Variants in USP48 observed in about 807,000 individuals in gnomAD.
USP48 encodes ubiquitin specific peptidase 48, also known as ubiquitin carboxyl-terminal hydrolase 48.
In USP48, 43 loss-of-function variants were observed where a neutral mutation model predicts 150.7. The observed-to-expected ratio is 0.29, with a 90% confidence interval of 0.22 to 0.37. USP48 has a LOEUF of 0.37. Among genes scored for constraint, USP48 ranks in the 10% least tolerant of loss-of-function variants. The probability of loss-of-function intolerance (pLI) is 1.00; values close to 1 mark genes in which losing one functional copy is unlikely to be tolerated. For synonymous variants in USP48, 396 were observed against 425.9 expected (o/e 0.93, Z 0.86); for missense variants, 813 against 1,249.6 (o/e 0.65, Z 5.27).
intron 3 of USP48, among the ~76,000 whole-genome samples, chr1:21,755,992 C>A (rs1339572838): frequency 6.6e-6 from 1 of 151,416 alleles, no homozygotes; most frequent in Non-Finnish European, 1.5e-5. Context: ...ATGGAGAAAC[C>A]CCGTCTCTAC....
At chr1:21,771,867 G>C (rs763018757) in intron 1 of USP48, among the ~76,000 whole-genome samples, 1 of 151,392 alleles carries the variant, frequency 6.6e-6, no homozygotes, top group East Asian at 1.9e-4. Context: ...GTGGTGAGCC[G>C]AGATTGCGCC....
At chr1:21,726,150 A>C (rs570195468) in intron 11 of USP48, among the ~76,000 whole-genome samples, 1 of 152,274 alleles carries the variant, frequency 6.6e-6, no homozygotes, top group African/African-American at 2.4e-5. Context: ...TTGCTAACTG[A>C]AAGAAAACAC....
intron 14 of USP48, among the ~76,000 whole-genome samples, chr1:21,715,846 T>A (rs1193869282): frequency 6.6e-6 from 1 of 152,190 alleles, no homozygotes; most frequent in Non-Finnish European, 1.5e-5. Context: ...ACACAAAGCA[T>A]TAAAGGCAAA....
chr1:21,748,387 T>A, intron 6 of USP48, 116 bp from the exon 7 acceptor site: 1 of 912,238 alleles, frequency 1.1e-6, no homozygotes, highest in Non-Finnish European at 1.6e-6. Flanking sequence ...TTAAGCTACT[T>A]AAAAACAGCT....
intron 22 of USP48, among the ~76,000 whole-genome samples, chr1:21,698,523 A>G (rs2097644648): frequency 6.6e-6 from 1 of 152,246 alleles, no homozygotes; most frequent in Non-Finnish European, 1.5e-5. Context: ...TCTAAAATCT[A>G]AATCACTTGA....
At position 21,706,542 on chromosome 1, in the gene USP48, A is replaced by C. The variant is rs1224967196; in HGVS notation, c.2136T>G (p.Ile712Met). The C allele has an allele frequency of 6.2e-7, 1 of 1,614,182 alleles. No individual in the cohort carries two copies. ...GEENEALHKM[I>M]ANEQKTSLPN... ...GGAGAGAAGTCTTTTGCTCGTTTGC[A>C]ATCATCTTATGTAAGGCTTCATTTT... The change falls in exon 17 of 27, where the codon ATT becomes ATG. Residue 712 changes from isoleucine (I) to methionine (M), a missense_variant. Ile to Met is a conservative substitution (Grantham distance 10). Coordinates refer to ENST00000308271, the MANE Select transcript of USP48 (RefSeq NM_032236.8).
chr1:21,749,761 C>T (rs765599395), intron 6 of USP48, among the ~76,000 whole-genome samples: 1 of 151,992 alleles, frequency 6.6e-6, no homozygotes, highest in Non-Finnish European at 1.5e-5. Flanking sequence ...CAACACCAAG[C>T]CTGGTTAATT....
At chr1:21,745,002 TAC>T (rs1163026144) in intron 8 of USP48, among the ~76,000 whole-genome samples, 4 of 152,140 alleles carry the variant, frequency 2.6e-5, no homozygotes, top group Non-Finnish European at 5.9e-5. Flanking sequence ...GATATGTGTG[TAC>T]AGATTTGTGT....
chr1:21,776,268 C>G (rs2097898024), intron 1 of USP48, among the ~76,000 whole-genome samples: 1 of 152,064 alleles, frequency 6.6e-6, no homozygotes, highest in Non-Finnish European at 1.5e-5. Context: ...CTGTGATTGC[C>G]CTAAGTACTT....
intron 15 of USP48, among the ~76,000 whole-genome samples, chr1:21,709,739 C>T (rs1198792193): frequency 6.6e-6 from 1 of 152,098 alleles, no homozygotes; most frequent in Non-Finnish European, 1.5e-5. Flanking sequence ...TGTGGGGGTA[C>T]TTTTAGGTAG....
chr1:21,747,667 G>T (rs1419151044), intron 7 of USP48, among the ~76,000 whole-genome samples: 1 of 152,074 alleles, frequency 6.6e-6, no homozygotes, highest in Non-Finnish European at 1.5e-5. Flanking sequence ...CCGCCTCCTG[G>T]GTTCAAGTGA....
intron 8 of USP48, among the ~76,000 whole-genome samples, chr1:21,737,456 G>A (rs1557533623): frequency 1.3e-5 from 2 of 151,782 alleles, no homozygotes; most frequent in Non-Finnish European, 2.9e-5. Flanking sequence ...TATTTTACAC[G>A]GTATTCAAAA....
chr1:21,679,223 G>A lies in USP48; in HGVS notation c.*194C>T. On this transcript the variant is annotated 3_prime_UTR_variant, in exon 27 of 27. Transcript: ENST00000308271. ...ATAAAATTGGAAACATTTCCTTCAA[G>A]TCTGATGTCCATCAGTGCAATCTGC... The A allele has an allele frequency of 1.2e-4, 40 of 335,620 alleles. No individual in the cohort carries two copies. The highest frequency in any genetic ancestry group is 1.5e-4 in the South Asian group (6 of 40,928). 20.8% of individuals were successfully genotyped at this position (335,620 alleles called of 1,614,324 possible).
intron 25 of USP48, among the ~76,000 whole-genome samples, chr1:21,684,110 C>T (rs1452494307): frequency 2.6e-5 from 4 of 152,110 alleles, no homozygotes; most frequent in African/African-American, 4.8e-5. Context: ...TGCAAATATC[C>T]TTTCGATACA....
chr1:21,761,294 CTT>C (rs71016941), intron 1 of USP48, among the ~76,000 whole-genome samples: 22 of 141,824 alleles, frequency 1.6e-4, no homozygotes, highest in Non-Finnish European at 1.7e-4. Flanking sequence ...TCTGAACTTC[CTT>C]TTTTTTTTTT....
rs180957763 is a variant in USP48, at chr1:21,698,717, A to G, written c.2727+2781T>C. Reference sequence around the variant, plus strand: ...CCCCCATCCTGGATATCACGGTGAAACCCCGTCTCTACTAAAAAATACAAA... The same window carrying G: ...CCCCCATCCTGGATATCACGGTGAAGCCCCGTCTCTACTAAAAAATACAAA... On this transcript the variant is annotated intron_variant, in intron 22 of 26. Coordinates refer to ENST00000308271, the MANE Select transcript of USP48 (RefSeq NM_032236.8). Among the ~76,000 whole-genome samples, 1,043 of 152,108 alleles carry G rather than the reference A, an allele frequency of 6.9e-3. 4 individuals carry two copies. The highest frequency in any genetic ancestry group is 9.4e-3 in the Non-Finnish European group (638 of 68,000).
intron 10 of USP48, 64 bp downstream of exon 10, chr1:21,729,637 TATC>T (rs1401025600): frequency 6.4e-7 from 1 of 1,553,848 alleles, no homozygotes; most frequent in Non-Finnish European, 8.8e-7. Context: ...ATCCATTACT[TATC>T]ATTAATCTTT....
intron 16 of USP48, 39 bp downstream of exon 16, chr1:21,706,705 T>C (rs2097673671): frequency 6.2e-7 from 1 of 1,609,378 alleles, no homozygotes; most frequent in Non-Finnish European, 8.5e-7. Flanking sequence ...CCCAGGGAGG[T>C]GGCATGCCAT....
intron 21 of USP48, 103 bp downstream of exon 21, chr1:21,703,408 CA>C (rs1418893931): frequency 1.7e-5 from 12 of 727,152 alleles, no homozygotes; most frequent in Non-Finnish European, 2.6e-5. Context: ...TCTGAAGGAA[CA>C]AAAATGCAGT....
Sources: allele counts gnomAD v4.1 joint callset (sites outside exome capture counted in the v4.1 genomes callset), GRCh38; gene constraint gnomAD v4.1.1; transcripts MANE v1.5; gene names NCBI Gene and HGNC (gene_info 2026-07-23, HGNC 2026-07-21).